Variants in GTF2A1L observed in about 807,000 individuals in gnomAD.
GTF2A1L encodes TFIIA-alpha and beta-like factor.
Under a neutral mutation model 49.7 loss-of-function variants are expected in GTF2A1L, and 48 were observed. The observed-to-expected ratio is 0.97, with a 90% CI of 0.77 to 1.23. The LOEUF is 1.23. Among genes scored for constraint, GTF2A1L ranks in the 50% most tolerant of loss-of-function variants. GTF2A1L has a pLI of 0.00. For missense variants in GTF2A1L, 736 were observed against 564.8 expected (o/e 1.30, Z -3.07); for synonymous variants, 246 against 193.5 (o/e 1.27, Z -2.25).
At position 48,646,880 on chromosome 2, in the gene GTF2A1L, A is replaced by C. The variant is rs1916840; in HGVS notation, c.816A>C (p.Gln272His). ...SVLSGSASMAQNLHDESLSTS... is the reference protein window; with the variant it reads ...SVLSGSASMAHNLHDESLSTS... ...TCAGTGGTTCAGCTAGCATGGCTCA[A>C]AATCTGCATGATGAGTCCCTCTCCA... The change falls in exon 6 of 9, where the codon CAA becomes CAC. Residue 272 changes from glutamine to histidine, a missense_variant. Transcript: ENST00000403751. The C allele has an allele frequency of 2.8e-5, 46 of 1,614,140 alleles. No homozygotes were observed. Among genetic ancestry groups the C allele is most frequent in the Admixed American group, 2.5e-4 (15 of 60,012 alleles).
chr2:48,663,951 A>G (rs762299636), intron 6 of GTF2A1L, among the ~76,000 whole-genome samples: 17 of 152,202 alleles, frequency 1.1e-4, no homozygotes, highest in Non-Finnish European at 1.9e-4. Context: ...CTAATTGTTT[A>G]TTGCTACTAT....
chr2:48,678,482 A>T (rs1253801217), intron 8 of GTF2A1L, among the ~76,000 whole-genome samples: 2 of 152,010 alleles, frequency 1.3e-5, no homozygotes, highest in East Asian at 3.9e-4. Context: ...CTTGGATTTG[A>T]CTATTTGTAG....
chr2:48,678,354 A>G (rs904578282), intron 8 of GTF2A1L, among the ~76,000 whole-genome samples: 2 of 151,998 alleles, frequency 1.3e-5, no homozygotes, highest in Non-Finnish European at 2.9e-5. Context: ...CAATTTGGGA[A>G]TAAAACTCAG....
rs70946820 is a variant in GTF2A1L at position 48,661,247 on chromosome 2, CTTTTTTTTTTTTT to C, written c.979-8459_979-8447del. Among the ~76,000 whole-genome samples, 7 of 62,740 alleles carry C rather than the reference CTTTTTTTTTTTTT, an allele frequency of 1.1e-4. No homozygotes were observed. In the South Asian group the frequency reaches 2.6e-3, roughly 23 times the overall value. 41.2% of individuals were successfully genotyped at this position (62,740 alleles called of 152,430 possible). ...CCATTGTTTTCACTGCATCCCCAAA[CTTTTTTTTTTTTT>C]TTTTTTTTTTTTTTTGAGACAGTTT... On this transcript the variant is annotated intron_variant, in intron 6 of 8. Transcript: ENST00000403751.
intron 8 of GTF2A1L, among the ~76,000 whole-genome samples, chr2:48,677,689 C>T (rs1470507382): frequency 1.3e-5 from 2 of 151,788 alleles, no homozygotes; most frequent in Admixed American, 1.3e-4. Flanking sequence ...AAAACAGGAA[C>T]TAGTTATGAG....
intron 3 of GTF2A1L, among the ~76,000 whole-genome samples, chr2:48,636,801 T>G (rs1398112962): frequency 6.6e-6 from 1 of 152,164 alleles, no homozygotes; most frequent in Non-Finnish European, 1.5e-5. Context: ...GAATAACAGG[T>G]GTAAACTGGG....
At chr2:48,678,920 CT>C (rs1303612048) in intron 8 of GTF2A1L, among the ~76,000 whole-genome samples, 12 of 152,048 alleles carry the variant, frequency 7.9e-5, no homozygotes, top group African/African-American at 2.9e-4. Flanking sequence ...AAATATCTGC[CT>C]TGCTTTACTC....
At chr2:48,632,449 C>T (rs1305461711) in intron 3 of GTF2A1L, 1 of 151,064 alleles carries the variant, frequency 6.6e-6, no homozygotes, top group African/African-American at 2.4e-5. Flanking sequence ...GTGGCGTGAT[C>T]TCGGTTCACT....
intron 6 of GTF2A1L, among the ~76,000 whole-genome samples, chr2:48,661,715 C>G (rs1678510705): frequency 1.3e-5 from 2 of 151,814 alleles, no homozygotes; most frequent in South Asian, 4.2e-4. Context: ...CTGGTGGTAA[C>G]ATAGCCACTG....
intron 7 of GTF2A1L, 130 bp from the exon 8 acceptor site, chr2:48,671,461 C>A (rs1679161676): frequency 1.2e-6 from 1 of 853,410 alleles, no homozygotes; most frequent in Non-Finnish European, 1.7e-6. Context: ...GCCTAGGCCT[C>A]CCGTAGTGCT....
intron 3 of GTF2A1L, among the ~76,000 whole-genome samples, chr2:48,634,275 C>G (rs889670329): frequency 2.6e-5 from 4 of 152,094 alleles, no homozygotes; most frequent in African/African-American, 9.7e-5. Flanking sequence ...CCACGCCTGG[C>G]TAATTTTTGT....
intron 3 of GTF2A1L, among the ~76,000 whole-genome samples, chr2:48,629,144 G>C (rs1397536804): frequency 7.0e-6 from 1 of 143,008 alleles, no homozygotes; most frequent in Non-Finnish European, 1.6e-5. Context: ...AGGAGGCTGA[G>C]GCAGGAGAAT....
intron 3 of GTF2A1L, chr2:48,633,217 T>C (rs1676682305): frequency 5.0e-6 from 1 of 201,778 alleles, no homozygotes; most frequent in Non-Finnish European, 1.1e-5. Flanking sequence ...TTTCTGTCAA[T>C]GTTACCCTCT....
At chr2:48,628,027 G>C (rs906231711) in intron 3 of GTF2A1L, among the ~76,000 whole-genome samples, 4 of 143,990 alleles carry the variant, frequency 2.8e-5, no homozygotes, top group Non-Finnish European at 6.3e-5. Flanking sequence ...GCCTCCAGCA[G>C]CATTCGTGTT....
rs368819440 is a variant in GTF2A1L at position 48,646,978 on chromosome 2, G to T, written c.914G>T (p.Gly305Val). The stretch of plus-strand genomic sequence containing the variant: ...CATATTCTTAAAAATAGGATGTATG[G>T]ATGTGATTCTGTAAAGCAACCAAGA... ...QLHILKNRMY[G>V]CDSVKQPRNI... is the part of the protein sequence containing the mutation. The change falls in exon 6 of 9, where the codon GGA (glycine) becomes GTA (valine). Residue 305 changes from glycine to valine, a missense_variant. Coordinates refer to ENST00000403751, the MANE Select transcript of GTF2A1L (RefSeq NM_006872.5). 6.2e-7 allele frequency: 1 copy of T among 1,614,096 alleles called. No homozygotes were observed. The highest frequency in any genetic ancestry group is 1.1e-5 in the South Asian group (1 of 91,060).
At chr2:48,618,871 T>G (rs539158371) in intron 1 of GTF2A1L, among the ~76,000 whole-genome samples, 1 of 152,190 alleles carries the variant, frequency 6.6e-6, no homozygotes, top group African/African-American at 2.4e-5. Context: ...CAATACCTAT[T>G]TTGATTTCTG....
intron 6 of GTF2A1L, among the ~76,000 whole-genome samples, chr2:48,648,687 T>G (rs1677672989): frequency 6.6e-6 from 1 of 152,132 alleles, no homozygotes; most frequent in Admixed American, 6.5e-5. Context: ...ATATATGAAG[T>G]ATTTAAAGCT....
At chr2:48,652,494 T>C (rs1274647080) in intron 6 of GTF2A1L, among the ~76,000 whole-genome samples, 1 of 151,264 alleles carries the variant, frequency 6.6e-6, no homozygotes, top group Non-Finnish European at 1.5e-5. Flanking sequence ...CAGGCACCTG[T>C]AATCCCAGCT....
At chr2:48,676,975 A>G (rs1679501945) in intron 8 of GTF2A1L, among the ~76,000 whole-genome samples, 1 of 151,422 alleles carries the variant, frequency 6.6e-6, no homozygotes, top group Admixed American at 6.6e-5. Context: ...TTTTTAAGAA[A>G]TCTATTTCGT....
Sources: gnomAD v4.1 joint callset for allele counts (sites outside exome capture counted in the v4.1 genomes callset) on GRCh38, gnomAD v4.1.1 for gene constraint, MANE v1.5 for transcripts, NCBI Gene and HGNC (gene_info 2026-07-23, HGNC 2026-07-21) for gene names.